Variants in DENND2B observed in about 807,000 individuals in gnomAD.
The protein encoded by DENND2B is DENN domain containing 2B, also known as DENN domain-containing protein 2B.
In DENND2B, 32 loss-of-function variants were observed where a neutral mutation model predicts 116.0. The observed-to-expected ratio is 0.28, with a 90% CI of 0.21 to 0.37. The LOEUF (loss-of-function observed/expected upper bound fraction) is 0.37. DENND2B is among the 10% of genes least tolerant of loss of function. The pLI, the probability that DENND2B is intolerant of heterozygous loss-of-function variation, is 1.00. For missense variants in DENND2B, 1,276 were observed against 1,477.7 expected (o/e 0.86, Z 2.24); for synonymous variants, 588 against 583.9 (o/e 1.01, Z -0.10).
intron 2 of DENND2B, among the ~76,000 whole-genome samples, chr11:8,877,100 CTTTTTTTTT>C (rs71059191): frequency 1.1e-5 from 1 of 93,072 alleles, no homozygotes; most frequent in Admixed American, 1.6e-4. Flanking sequence ...CTTGAAGATA[CTTTTTTTTT>C]TTTTTTTTTT....
intron 4 of DENND2B, among the ~76,000 whole-genome samples, chr11:8,838,433 G>A (rs35563381): frequency 0.22 from 32,859 of 152,142 alleles, 4,042 homozygotes; most frequent in Middle Eastern, 0.39. Flanking sequence ...CAACACCTCC[G>A]TTATAGGAGA....
At position 8,715,980 on chromosome 11, in the gene DENND2B, C is replaced by T. The variant is rs2044690935; in HGVS notation, c.1630-162G>A. ...CTCTCTTAAGACTTTAGCTGCTAAT[C>T]AGCCAGGTCAGGGATAGATTAGATA... is the stretch of plus-strand genomic sequence containing the variant. On this transcript the variant is annotated intron_variant, in intron 5 of 19. Transcript: ENST00000313726. 3.2e-5 allele frequency: 21 copies of T among 647,714 alleles called. 1 individual carries two copies. In the South Asian group the frequency reaches 4.5e-4, roughly 14 times the overall value. 40.1% of individuals were successfully genotyped at this position (647,714 alleles called of 1,614,324 possible).
At chr11:8,738,828 T>C (rs541044211) in intron 2 of DENND2B, among the ~76,000 whole-genome samples, 2 of 152,170 alleles carry the variant, frequency 1.3e-5, no homozygotes, top group African/African-American at 4.8e-5. Flanking sequence ...TTATCCCACA[T>C]TGTTTTCCCT....
In DENND2B at chr11:8,730,682, C is replaced by G. The variant is rs1374432965; in HGVS notation, c.608G>C (p.Ser203Thr). The change falls in exon 3 of 20, where the codon AGC becomes ACC. Residue 203 changes from serine (S) to threonine (T), a missense_variant. Ser to Thr is a moderately conservative substitution (Grantham distance 58). Coordinates refer to ENST00000313726, the MANE Select transcript of DENND2B (RefSeq NM_213618.2). This position sits in a 1 kb window ranked among gnomAD's most constrained non-coding sequence, Gnocchi z 4.1. ...SEWAASEGCP[S>T]LGCPSVVPSP... ...CGGCACCACGCTGGGACAGCCCAGG[C>G]TGGGGCAGCCCTCACTGGCCGCCCA... 2 of 1,611,976 alleles carry G rather than the reference C, an allele frequency of 1.2e-6. No homozygotes were observed. The highest frequency in any genetic ancestry group is 1.1e-5 in the South Asian group (1 of 91,028).
At chr11:8,694,386 G>A (rs1322097721) in intron 19 of DENND2B, among the ~76,000 whole-genome samples, 1 of 152,200 alleles carries the variant, frequency 6.6e-6, no homozygotes, top group African/African-American at 2.4e-5. Flanking sequence ...AACATGCTAT[G>A]ATTCTCTGAT....
intron 2 of DENND2B, among the ~76,000 whole-genome samples, chr11:8,867,156 C>T (rs77234696): frequency 0.016 from 2,409 of 152,228 alleles, 69 homozygotes; most frequent in African/African-American, 0.055. Context: ...GAGGAAACGG[C>T]GTACAGGTTG....
At chr11:8,826,618 C>T (rs1282107787) in intron 4 of DENND2B, among the ~76,000 whole-genome samples, 1 of 152,146 alleles carries the variant, frequency 6.6e-6, no homozygotes, top group African/African-American at 2.4e-5. Context: ...ATCCTAGGAA[C>T]ATGGAAGGCG....
chr11:8,772,705 G>A (rs966082579), intron 1 of DENND2B, among the ~76,000 whole-genome samples: 1 of 152,100 alleles, frequency 6.6e-6, no homozygotes, highest in Non-Finnish European at 1.5e-5. Flanking sequence ...GGCCTAGAGT[G>A]CCATGACCAG....
intron 9 of DENND2B, among the ~76,000 whole-genome samples, chr11:8,711,588 C>T (rs528547171): frequency 2.0e-5 from 3 of 152,104 alleles, no homozygotes; most frequent in African/African-American, 7.2e-5. Context: ...GCAGGGTGGC[C>T]GGGCGCGGTG....
At chr11:8,821,185 A>G (rs1462042798) in intron 4 of DENND2B, among the ~76,000 whole-genome samples, 1 of 151,690 alleles carries the variant, frequency 6.6e-6, no homozygotes, top group East Asian at 1.9e-4. Flanking sequence ...AAAAGAAACT[A>G]CTATAAACCA....
intron 14 of DENND2B, among the ~76,000 whole-genome samples, chr11:8,701,363 G>T (rs1231252803): frequency 1.2e-5 from 1 of 86,498 alleles, no homozygotes; most frequent in Admixed American, 1.2e-4. Flanking sequence ...GGGGGGGAGG[G>T]GCTACATGAA....
chr11:8,753,918 A>G (rs2053058176), intron 1 of DENND2B, among the ~76,000 whole-genome samples: 1 of 152,200 alleles, frequency 6.6e-6, no homozygotes, highest in Non-Finnish European at 1.5e-5. Flanking sequence ...AATGTAGTAT[A>G]GCCCTAAATG....
chr11:8,718,181 C>A, intron 4 of DENND2B: 1 of 617,794 alleles, frequency 1.6e-6, no homozygotes, highest in South Asian at 1.6e-5. Context: ...ACAAGACTGG[C>A]TCAGCCACCC....
At chr11:8,777,847 C>T (rs1453412867) in intron 1 of DENND2B, among the ~76,000 whole-genome samples, 1 of 152,214 alleles carries the variant, frequency 6.6e-6, no homozygotes, top group East Asian at 1.9e-4. Flanking sequence ...TCCATCCTCC[C>T]TGTAATCTAC....
At chr11:8,805,971 C>A in intron 1 of DENND2B, among the ~76,000 whole-genome samples, 1 of 152,108 alleles carries the variant, frequency 6.6e-6, no homozygotes. Context: ...GCCACCCCTA[C>A]CCCCTCCAGT....
Position 8,693,739 on chromosome 11 carries a change from C to T in DENND2B, c.*357G>A, listed in dbSNP as rs2039822092. 2 of 226,234 alleles carry T rather than the reference C, an allele frequency of 8.8e-6. No homozygotes were observed. The highest frequency in any genetic ancestry group is 3.0e-3 in the Middle Eastern group (2 of 670). The allele number at this position is 226,234 out of a possible 1,614,324, so 14.0% of individuals were successfully genotyped here. A position where few individuals can be genotyped will look rare whatever the true frequency, so the allele number is the denominator to read the frequency against. ...CTCAGGCAGGCAGGCAGGCCGAAGG[C>T]CTCCAGGGAAGATCAGTGGTTTGGC... On this transcript the variant is annotated 3_prime_UTR_variant, in exon 20 of 20. Transcript: ENST00000313726.
At chr11:8,749,979 T>C (rs533940664) in intron 2 of DENND2B, among the ~76,000 whole-genome samples, 10 of 152,364 alleles carry the variant, frequency 6.6e-5, no homozygotes, top group African/African-American at 2.4e-4. Context: ...TTAAAATTTA[T>C]TGAGTAGCTT....
At chr11:8,777,620 A>G (rs187368762) in intron 1 of DENND2B, among the ~76,000 whole-genome samples, 7 of 152,348 alleles carry the variant, frequency 4.6e-5, no homozygotes, top group African/African-American at 1.4e-4. Flanking sequence ...AGTGTCAGAG[A>G]TATCTGTGAA....
At chr11:8,717,960 CAAAT>C in intron 4 of DENND2B, 68 bp from the exon 5 acceptor site, 5 of 1,543,442 alleles carry the variant, frequency 3.2e-6, no homozygotes, top group Non-Finnish European at 4.4e-6. Context: ...CACACACACA[CAAAT>C]AAACAAGCAG....
Sources: allele counts gnomAD v4.1 joint callset (sites outside exome capture counted in the v4.1 genomes callset), GRCh38; gene constraint gnomAD v4.1.1; non-coding constraint Gnocchi (gnomAD v3.1); transcripts MANE v1.5; gene names NCBI Gene and HGNC (gene_info 2026-07-23, HGNC 2026-07-21).